The following TTC6 variants were observed in gnomAD, a reference collection of about 807,000 sequenced individuals.
TTC6 encodes the protein tetratricopeptide repeat protein 6.
In TTC6, 172 loss-of-function variants were observed where a neutral mutation model predicts 210.4. That is an observed-to-expected ratio of 0.82 (90% CI 0.72 to 0.93). The LOEUF (loss-of-function observed/expected upper bound fraction) is 0.93. Among genes scored for constraint, TTC6 ranks in the 40% least tolerant of loss-of-function variants. The pLI, the probability that TTC6 is intolerant of heterozygous loss-of-function variation, is 0.00. For synonymous variants in TTC6, 804 were observed against 819.6 expected (o/e 0.98, Z 0.32); for missense variants, 2,414 against 2,318.1 (o/e 1.04, Z -0.85).
chr14:37,604,517 C>T (rs1251656390), intron 1 of TTC6, among the ~76,000 whole-genome samples: 2 of 152,088 alleles, frequency 1.3e-5, no homozygotes. Flanking sequence ...TCCTGGGCTC[C>T]TGAGAGTATT....
Position 37,826,160 on chromosome 14 carries a change from ATTTCCTACTTCG to A in TTC6, c.4975-33_4975-22del, listed in dbSNP as rs201873484. On this transcript the variant is annotated intron_variant, in intron 27 of 30. Coordinates refer to ENST00000553443, the Ensembl canonical transcript of TTC6. ...ATAAACGTTTGTCATGTTATGGAGT[ATTTCCTACTTCG>A]TGTAATTGGAAAATTATTTTAGGCC... is the stretch of plus-strand genomic sequence containing the variant. 3,778 of 1,576,930 alleles carry A rather than the reference ATTTCCTACTTCG, an allele frequency of 2.4e-3. 82 individuals carry two copies. In the African/African-American group the frequency reaches 0.046, roughly 19 times the overall value.
chr14:37,665,691 A>G (rs570777759), intron 1 of TTC6, among the ~76,000 whole-genome samples: 2 of 150,696 alleles, frequency 1.3e-5, no homozygotes, highest in Non-Finnish European at 3.0e-5. Flanking sequence ...TGGCAAAATT[A>G]ACCTTGAGCA....
chr14:37,622,970 C>G lies in TTC6; in HGVS notation c.906C>G (p.Ser302Arg), dbSNP rs756780794. ...AGACCATCAAAGAGCTCATACGGAG[C>G]GTCCTTGGCCAGAACTACGACATTA... Residue 302 changes from serine to arginine, a missense_variant, in exon 1 of 31, where the codon AGC becomes AGG. Coordinates refer to ENST00000553443, the Ensembl canonical transcript of TTC6. 4 of 1,493,976 alleles carry G rather than the reference C, an allele frequency of 2.7e-6. No homozygotes were observed. In the South Asian group the frequency reaches 5.0e-5, roughly 19 times the overall value. 92.5% of individuals were successfully genotyped at this position (1,493,976 alleles called of 1,614,324 possible).
At chr14:37,629,000 T>C (rs2095664932) in intron 1 of TTC6, among the ~76,000 whole-genome samples, 1 of 152,202 alleles carries the variant, frequency 6.6e-6, no homozygotes, top group South Asian at 2.1e-4. Flanking sequence ...GCTGTTTTGG[T>C]TATGGTAGCT....
intron 7 of TTC6, among the ~76,000 whole-genome samples, chr14:37,728,775 G>T (rs2095878882): frequency 6.6e-6 from 1 of 152,098 alleles, no homozygotes; most frequent in South Asian, 2.1e-4. Context: ...GCTGTTTTCA[G>T]AGTGGCAAGG....
At chr14:37,700,209 AC>A (rs775052058) in intron 4 of TTC6, among the ~76,000 whole-genome samples, 2 of 152,158 alleles carry the variant, frequency 1.3e-5, no homozygotes, top group African/African-American at 2.4e-5. Flanking sequence ...GGCCACTTCC[AC>A]CCAGAAGTCA....
chr14:37,699,146 T>TGGCA (rs2095820136), intron 4 of TTC6, among the ~76,000 whole-genome samples: 1 of 152,168 alleles, frequency 6.6e-6, no homozygotes, highest in African/African-American at 2.4e-5. Flanking sequence ...AAGATAAACT[T>TGGCA]GGCAGAGAAG....
At chr14:37,638,153 A>G (rs1018605468) in intron 1 of TTC6, among the ~76,000 whole-genome samples, 1 of 152,246 alleles carries the variant, frequency 6.6e-6, no homozygotes, top group Non-Finnish European at 1.5e-5. Flanking sequence ...TACCTGCAAC[A>G]ACTTGGATGA....
intron 5 of TTC6, among the ~76,000 whole-genome samples, chr14:37,709,037 G>A (rs1284232996): frequency 6.6e-6 from 1 of 152,008 alleles, no homozygotes; most frequent in Non-Finnish European, 1.5e-5. Context: ...GTAATACTCT[G>A]TTCTGTCTCA....
intron 14 of TTC6, among the ~76,000 whole-genome samples, chr14:37,771,948 G>C (rs1441588670): frequency 6.6e-6 from 1 of 152,034 alleles, no homozygotes; most frequent in Non-Finnish European, 1.5e-5. Context: ...TCTACTTTTG[G>C]TCTTTGATGA....
chr14:37,767,755 G>A (rs1331993672), intron 14 of TTC6, among the ~76,000 whole-genome samples: 1 of 151,476 alleles, frequency 6.6e-6, no homozygotes, highest in Non-Finnish European at 1.5e-5. Flanking sequence ...TAGGTTGCCT[G>A]TTCACTCTGA....
intron 1 of TTC6, among the ~76,000 whole-genome samples, chr14:37,603,148 G>A (rs1367759393): frequency 6.6e-6 from 1 of 152,160 alleles, no homozygotes; most frequent in Non-Finnish European, 1.5e-5. Flanking sequence ...GTGGAGATGC[G>A]GACCTGGCGT....
chr14:37,720,517 C>T (rs114065909), intron 6 of TTC6: 1 of 151,068 alleles, frequency 6.6e-6, no homozygotes, highest in Non-Finnish European at 1.5e-5. Flanking sequence ...CATTGCTCAG[C>T]CTCCTTACCC....
chr14:37,639,049 ATAT>A (rs2095686457), intron 1 of TTC6, among the ~76,000 whole-genome samples: 2 of 152,202 alleles, frequency 1.3e-5, no homozygotes, highest in South Asian at 4.1e-4. Flanking sequence ...CATACTATAC[ATAT>A]TATTCTGCAA....
At chr14:37,709,253 G>T (rs2138725852) in intron 5 of TTC6, among the ~76,000 whole-genome samples, 1 of 152,200 alleles carries the variant, frequency 6.6e-6, no homozygotes, top group South Asian at 2.1e-4. Flanking sequence ...ATTGAACAGA[G>T]TTGTAAGAGA....
chr14:37,716,842 CA>C (rs2095853527), intron 6 of TTC6, among the ~76,000 whole-genome samples: 1 of 151,994 alleles, frequency 6.6e-6, no homozygotes, highest in South Asian at 2.1e-4. Context: ...CTGTACCCAA[CA>C]AAAGCAGAAT....
At chr14:37,615,187 G>T (rs1255408809) in intron 2 of TTC6, among the ~76,000 whole-genome samples, 1 of 152,158 alleles carries the variant, frequency 6.6e-6, no homozygotes, top group African/African-American at 2.4e-5. Flanking sequence ...CTCTCTGTCT[G>T]CTTTTGAATT....
chr14:37,768,534 T>C (rs1015681552), intron 14 of TTC6, among the ~76,000 whole-genome samples: 13 of 152,202 alleles, frequency 8.5e-5, no homozygotes, highest in Non-Finnish European at 1.9e-4. Context: ...GTAAGTTGGA[T>C]TCCTACGTAT....
At chr14:37,796,015 T>C (rs376239891) in intron 18 of TTC6, among the ~76,000 whole-genome samples, 53 of 152,230 alleles carry the variant, frequency 3.5e-4, no homozygotes, top group South Asian at 1.5e-3. Flanking sequence ...TTTTAATAAT[T>C]TCTCAGCAAA....
Sources: allele counts gnomAD v4.1 joint callset (sites outside exome capture counted in the v4.1 genomes callset), GRCh38; gene constraint gnomAD v4.1.1; transcripts MANE v1.5; gene names NCBI Gene and HGNC (gene_info 2026-07-23, HGNC 2026-07-21).